MAN2A1: variants seen among roughly 807,000 people sequenced by gnomAD.
MAN2A1 encodes the protein mannosidase alpha class 2A member 1.
A neutral mutation model predicts 142.6 loss-of-function variants in MAN2A1; 76 were observed. The observed-to-expected ratio is 0.53, with a 90% CI of 0.44 to 0.65. The LOEUF is 0.65. Ranked by LOEUF, MAN2A1 falls within the 30% of genes least tolerant of loss-of-function variation. The probability of loss-of-function intolerance (pLI) is 0.00; values close to 1 mark genes in which losing one functional copy is unlikely to be tolerated. For missense variants in MAN2A1, 1,311 were observed against 1,365.1 expected (o/e 0.96, Z 0.62); for synonymous variants, 559 against 473.2 (o/e 1.18, Z -2.35).
intron 12 of MAN2A1, among the ~76,000 whole-genome samples, chr5:109,808,752 G>A (rs1230801584): frequency 4.1e-5 from 6 of 146,516 alleles, no homozygotes; most frequent in Non-Finnish European, 9.0e-5. Flanking sequence ...CACCCAGGCT[G>A]GAGTGCAGTG....
At chr5:109,715,686 A>G (rs568141697) in intron 2 of MAN2A1, among the ~76,000 whole-genome samples, 5 of 152,204 alleles carry the variant, frequency 3.3e-5, no homozygotes, top group Non-Finnish European at 4.4e-5. Flanking sequence ...GATTTTTAAT[A>G]TACATGAGAT....
intron 12 of MAN2A1, among the ~76,000 whole-genome samples, chr5:109,794,620 T>C (rs1213542313): frequency 6.6e-6 from 1 of 152,140 alleles, no homozygotes; most frequent in Non-Finnish European, 1.5e-5. Flanking sequence ...TAAAGCTGTT[T>C]TGAACTTTTC....
At chr5:109,705,386 T>G (rs1425307760) in intron 1 of MAN2A1, among the ~76,000 whole-genome samples, 1 of 152,200 alleles carries the variant, frequency 6.6e-6, no homozygotes, top group Non-Finnish European at 1.5e-5. Flanking sequence ...CTGTCTTTTC[T>G]TAACTCCTTT....
chr5:109,710,640 G>T (rs1027573265), intron 1 of MAN2A1, among the ~76,000 whole-genome samples: 1 of 151,984 alleles, frequency 6.6e-6, no homozygotes, highest in Admixed American at 6.6e-5. Context: ...GAGTATCTGG[G>T]ACTACAGGTG....
rs147611139 is a variant in MAN2A1 at position 109,731,101 on chromosome 5, T to C, written c.707+1588T>C. Among the ~76,000 whole-genome samples, 304 of 152,262 alleles carry C rather than the reference T, an allele frequency of 2.0e-3. 2 individuals carry two copies. The highest frequency in any genetic ancestry group is 7.1e-3 in the African/African-American group (295 of 41,562). On this transcript the variant is annotated intron_variant, in intron 4 of 21. Coordinates refer to ENST00000261483, the MANE Select transcript of MAN2A1 (RefSeq NM_002372.4). ...TTTAGTTATTATGGATACATAATAG[T>C]TGTACATGTTTATGGGGTACATCTG...
chr5:109,792,021 G>T (rs76516340), intron 12 of MAN2A1, among the ~76,000 whole-genome samples: 2,814 of 152,182 alleles, frequency 0.018, 34 homozygotes, highest in Middle Eastern at 0.071. Flanking sequence ...TATATCATGT[G>T]TGGATTCGTA....
rs549217121 is a variant in MAN2A1, at chr5:109,734,699, C to G, written c.707+5186C>G. On this transcript the variant is annotated intron_variant, in intron 4 of 21. Coordinates refer to ENST00000261483, the MANE Select transcript of MAN2A1 (RefSeq NM_002372.4). ...AGTGGTTTTGAGTGAGTTTCTTAAT[C>G]CTGAGTTCTAGTTTGATTGCACTGT... 2.6e-5 allele frequency among the ~76,000 whole-genome samples: 4 copies of G among 152,244 alleles called. No individual in the cohort carries two copies. The East Asian group carries it at 5.8e-4, about 22-fold the overall frequency.
intron 15 of MAN2A1, among the ~76,000 whole-genome samples, chr5:109,823,516 A>G (rs983275096): frequency 1.3e-5 from 2 of 152,164 alleles, no homozygotes; most frequent in Admixed American, 1.3e-4. Flanking sequence ...AAACATTTTT[A>G]TTTCCTATTT....
chr5:109,741,831 T>A (rs1752276272), intron 4 of MAN2A1, among the ~76,000 whole-genome samples: 1 of 152,232 alleles, frequency 6.6e-6, no homozygotes, highest in African/African-American at 2.4e-5. Context: ...TTTTGTGTGA[T>A]CTGAAATAAT....
At chr5:109,864,941 CT>C in intron 20 of MAN2A1, 94 bp from the exon 21 acceptor site, 1 of 861,472 alleles carries the variant, frequency 1.2e-6, no homozygotes, top group Non-Finnish European at 2.0e-6. Flanking sequence ...AATAAATGTG[CT>C]TTTGGATGCT....
chr5:109,762,065 T>C lies in MAN2A1; in HGVS notation c.836-5470T>C, dbSNP rs187286509. On this transcript the variant is annotated intron_variant, in intron 5 of 21. Transcript: ENST00000261483. Reference sequence around the variant, plus strand: ...TGTACCCTTTAGAGATAACCTGTTTTGTGATATATAACATTATAGCATTCT... The same window carrying C: ...TGTACCCTTTAGAGATAACCTGTTTCGTGATATATAACATTATAGCATTCT... 2.1e-3 allele frequency among the ~76,000 whole-genome samples: 318 copies of C among 152,302 alleles called. 3 individuals carry two copies. Among genetic ancestry groups the C allele is most frequent in the African/African-American group, 7.4e-3 (309 of 41,580 alleles).
At chr5:109,862,427 C>T (rs1039246551) in intron 20 of MAN2A1, 1 of 152,188 alleles carries the variant, frequency 6.6e-6, no homozygotes, top group Admixed American at 6.5e-5. Flanking sequence ...AGCCTTACTT[C>T]AGTAATTCAG....
At chr5:109,823,592 G>T in intron 15 of MAN2A1, 131 bp from the exon 16 acceptor site, 1 of 561,892 alleles carries the variant, frequency 1.8e-6, no homozygotes, top group Non-Finnish European at 3.1e-6. Flanking sequence ...TACCTTGTAA[G>T]ATCTGGTTTA....
chr5:109,694,542 G>T (rs1750758211), intron 1 of MAN2A1, among the ~76,000 whole-genome samples: 1 of 152,042 alleles, frequency 6.6e-6, no homozygotes, highest in Non-Finnish European at 1.5e-5. Flanking sequence ...TGGAGACGGG[G>T]TCTTACTATG....
chr5:109,722,563 C>G (rs987430943), intron 3 of MAN2A1, among the ~76,000 whole-genome samples: 1 of 152,066 alleles, frequency 6.6e-6, no homozygotes, highest in Non-Finnish European at 1.5e-5. Context: ...TACAGGCACA[C>G]GCCACAGTGC....
intron 1 of MAN2A1, among the ~76,000 whole-genome samples, chr5:109,705,775 A>G (rs1751112963): frequency 6.6e-6 from 1 of 152,168 alleles, no homozygotes; most frequent in African/African-American, 2.4e-5. Flanking sequence ...CCAGGGGAGA[A>G]TCTGTTTCCC....
chr5:109,712,856 C>G (rs942134782), intron 1 of MAN2A1, among the ~76,000 whole-genome samples: 1 of 152,124 alleles, frequency 6.6e-6, no homozygotes, highest in Non-Finnish European at 1.5e-5. Flanking sequence ...TCCCTGCTCT[C>G]ATAAGGTGAG....
At chr5:109,747,213 A>G (rs926355460) in intron 4 of MAN2A1, among the ~76,000 whole-genome samples, 1 of 152,086 alleles carries the variant, frequency 6.6e-6, no homozygotes, top group Admixed American at 6.6e-5. Context: ...ATTTTTTTTT[A>G]ATCACTGTCA....
chr5:109,854,391 CA>C (rs933057530), intron 19 of MAN2A1: 2 of 152,024 alleles, frequency 1.3e-5, no homozygotes, highest in African/African-American at 4.8e-5. Context: ...TATACCATAG[CA>C]AAAACTAAAG....
Sources: gnomAD v4.1 joint callset for allele counts (sites outside exome capture counted in the v4.1 genomes callset) on GRCh38, gnomAD v4.1.1 for gene constraint, MANE v1.5 for transcripts, NCBI Gene and HGNC (gene_info 2026-07-23, HGNC 2026-07-21) for gene names.